Variants in CRMP1 observed in about 807,000 individuals in gnomAD.
CRMP1 encodes dihydropyrimidinase-related protein 1.
In CRMP1, 19 loss-of-function variants were observed where a neutral mutation model predicts 68.3. The observed-to-expected ratio is 0.28, with a 90% CI of 0.19 to 0.41. The LOEUF is 0.41. Among genes scored for constraint, CRMP1 ranks in the 10% least tolerant of loss-of-function variants. The pLI is 1.00. For missense variants in CRMP1, 791 were observed against 967.4 expected (o/e 0.82, Z 2.42); for synonymous variants, 439 against 399.6 (o/e 1.10, Z -1.18).
rs1272645571 is a variant in CRMP1, at chr4:5,865,619, C to CAAA, written c.470+1046_470+1048dup. Among the ~76,000 whole-genome samples, 10 of 78,794 alleles carry CAAA rather than the reference C, an allele frequency of 1.3e-4. No individual in the cohort carries two copies. Among genetic ancestry groups the CAAA allele is most frequent in the Non-Finnish European group, 1.9e-4 (7 of 36,232 alleles). 51.7% of individuals were successfully genotyped at this position (78,794 alleles called of 152,430 possible). A position where few individuals can be genotyped will look rare whatever the true frequency, so the allele number is the denominator to read the frequency against. ...CTGGTGACAGAGTGAGACTCCGTCT[C>CAAA]AAAAAAAAAAAAAAAAAAGAAGGCC... On this transcript the variant is annotated intron_variant, in intron 2 of 13. Transcript: ENST00000324989. This position sits in a 1 kb window ranked among gnomAD's most constrained non-coding sequence, Gnocchi z 4.1.
chr4:5,841,424 T>C lies in CRMP1; in HGVS notation c.1037A>G (p.Glu346Gly). ...GATGGCCCGGAACACCGCCTCGGCC[T>C]CCAGCTGAACACGGCACACACAGTG... ...GHALSRPEEL[E>G]AEAVFRAITI... Residue 346 changes from glutamate (E) to glycine (G), a missense_variant, in exon 8 of 14, where the codon GAG becomes GGG. By Grantham distance (98) the Glu-to-Gly change is moderately conservative. Around this residue, in one of 3 missense-constraint regions of CRMP1, gnomAD observed 594 missense variants for 763.6 expected, o/e 0.78. Coordinates refer to ENST00000324989, the MANE Select transcript of CRMP1 (RefSeq NM_001014809.3). The surrounding 1 kb of genome is among the most constrained non-coding windows in gnomAD (Gnocchi z 6.9). 1 of 1,614,156 alleles carries C rather than the reference T, an allele frequency of 6.2e-7. No individual in the cohort carries two copies. Among genetic ancestry groups the C allele is most frequent in the Non-Finnish European group, 8.5e-7 (1 of 1,180,022 alleles).
chr4:5,821,317 T>G lies in CRMP1; in HGVS notation c.*443A>C, dbSNP rs1718508710. 6.2e-6 allele frequency: 1 copy of G among 160,252 alleles called. No homozygotes were observed. Among genetic ancestry groups the G allele is most frequent in the Admixed American group, 6.2e-5 (1 of 16,236 alleles). 9.9% of individuals were successfully genotyped at this position (160,252 alleles called of 1,614,324 possible). On this transcript the variant is annotated 3_prime_UTR_variant, in exon 14 of 14. Transcript: ENST00000324989. The surrounding 1 kb of genome is among the most constrained non-coding windows in gnomAD (Gnocchi z 4.4). Reference sequence around the variant, plus strand: ...CTCAGGGCTTGAGGTCTCGGCATCGTGTCTCAGTCAGTCCTTGGCGATGTC... The same window carrying G: ...CTCAGGGCTTGAGGTCTCGGCATCGGGTCTCAGTCAGTCCTTGGCGATGTC...
chr4:5,892,651 GC>G lies in CRMP1; in HGVS notation c.318del (p.Pro107ArgfsTer53). On this transcript the variant is annotated frameshift_variant, in exon 1 of 14. Coordinates refer to ENST00000324989, the MANE Select transcript of CRMP1 (RefSeq NM_001014809.3). LOFTEE classifies it high-confidence loss of function. The surrounding 1 kb of genome is among the most constrained non-coding windows in gnomAD (Gnocchi z 8.6). ...GCGGGGCGGCGGATGCGCAGCGTCG[GC>G]GGCCGCTCGTCGCGCTCTCCGGGAG... ...VSSPGERDER[P>X]PTLRIRRPAP... 1 of 1,193,706 alleles carries G rather than the reference GC, an allele frequency of 8.4e-7. No individual in the cohort carries two copies. Among genetic ancestry groups the G allele is most frequent in the Non-Finnish European group, 1.0e-6 (1 of 963,472 alleles). The allele number at this position is 1,193,706 out of a possible 1,614,324, so 73.9% of individuals were successfully genotyped here.
In CRMP1 at chr4:5,828,672, C is replaced by T. The variant is rs372288946; in HGVS notation, c.1624-4G>A. The T allele has an allele frequency of 1.7e-5, 28 of 1,612,906 alleles. No homozygotes were observed. The highest frequency in any genetic ancestry group is 1.5e-4 in the Admixed American group (9 of 59,978). On this transcript the variant is annotated splice_region_variant and splice_polypyrimidine_tract_variant and intron_variant, in intron 11 of 13. Transcript: ENST00000324989. ...CGAAGATGTTGTACTCCACCGCCTG[C>T]ACCAACAGCCTCAGTGTTACTTCCC...
chr4:5,881,510 A>G lies in CRMP1; in HGVS notation c.381+11079T>C, dbSNP rs1715218269. ...ACTGTAGCTGTCTTACAGGTCTATC[A>G]TAGCTCTGATTGCACTTGGTTACCA... is the stretch of plus-strand genomic sequence containing the variant. On this transcript the variant is annotated intron_variant, in intron 1 of 13. Transcript: ENST00000324989. This position sits in a 1 kb window ranked among gnomAD's most constrained non-coding sequence, Gnocchi z 4.6. 6.6e-6 allele frequency among the ~76,000 whole-genome samples: 1 copy of G among 152,184 alleles called. No homozygotes were observed. The highest frequency in any genetic ancestry group is 2.4e-5 in the African/African-American group (1 of 41,446).
intron 6 of CRMP1, among the ~76,000 whole-genome samples, chr4:5,846,112 A>G (rs28507608): frequency 0.14 from 21,752 of 152,102 alleles, 1,645 homozygotes; most frequent in Middle Eastern, 0.18. Flanking sequence ...CCTGGCCAAC[A>G]TGGTAAAAAC....
chr4:5,823,716 G>A (rs895993076), intron 13 of CRMP1, among the ~76,000 whole-genome samples: 1 of 152,216 alleles, frequency 6.6e-6, no homozygotes, highest in African/African-American at 2.4e-5. Flanking sequence ...CTGCCATGCT[G>A]GAAGTAGCCT....
At position 5,856,128 on chromosome 4, in the gene CRMP1, G is replaced by C; in HGVS notation, c.820+15C>G. 1 of 1,612,918 alleles carries C rather than the reference G, an allele frequency of 6.2e-7. No homozygotes were observed. ...AAGGGATTCCCCAAAACCCCGTTCC[G>C]AGGCTTTAACTGACCTTTGTCCTGC... On this transcript the variant is annotated intron_variant, in intron 4 of 13. Transcript: ENST00000324989.
intron 5 of CRMP1, among the ~76,000 whole-genome samples, chr4:5,849,850 C>T (rs1384441618): frequency 6.6e-6 from 1 of 152,198 alleles, no homozygotes; most frequent in African/African-American, 2.4e-5. Context: ...GTTAGTTTTA[C>T]AGAAATTATC....
At chr4:5,836,701 C>A in intron 10 of CRMP1, 64 bp downstream of exon 10, 1 of 1,611,738 alleles carries the variant, frequency 6.2e-7, no homozygotes. Context: ...GTGCATAATG[C>A]ATCGGCTTTC....
At position 5,888,286 on chromosome 4, in the gene CRMP1, G is replaced by A; in HGVS notation, c.381+4303C>T. 3 of 1,268,106 alleles carry A rather than the reference G, an allele frequency of 2.4e-6. No individual in the cohort carries two copies. Among genetic ancestry groups the A allele is most frequent in the Non-Finnish European group, 3.0e-6 (3 of 1,000,390 alleles). 78.6% of individuals were successfully genotyped at this position (1,268,106 alleles called of 1,614,324 possible). A position where few individuals can be genotyped will look rare whatever the true frequency, so the allele number is the denominator to read the frequency against. On this transcript the variant is annotated intron_variant, in intron 1 of 13. Transcript: ENST00000324989. The surrounding 1 kb of genome is among the most constrained non-coding windows in gnomAD (Gnocchi z 6.4). The stretch of plus-strand genomic sequence containing the variant: ...CGACATGGCCCCCTCTGGCGCCCTC[G>A]GCCCGGCCGCTGACCTGCGGGGCTG...
At chr4:5,846,893 G>C (rs544397728) in intron 6 of CRMP1, among the ~76,000 whole-genome samples, 4 of 149,158 alleles carry the variant, frequency 2.7e-5, no homozygotes, top group Admixed American at 6.8e-5. Context: ...GGGATTACAG[G>C]CATGAGCCAC....
chr4:5,825,959 C>T lies in CRMP1; in HGVS notation c.1804-300G>A. The T allele has an allele frequency of 2.3e-6, 1 of 436,060 alleles. No homozygotes were observed. Among genetic ancestry groups the T allele is most frequent in the South Asian group, 2.8e-5 (1 of 35,464 alleles). The allele number at this position is 436,060 out of a possible 1,614,324, so 27.0% of individuals were successfully genotyped here. On this transcript the variant is annotated intron_variant, in intron 12 of 13. Coordinates refer to ENST00000324989, the MANE Select transcript of CRMP1 (RefSeq NM_001014809.3). The surrounding 1 kb of genome is among the most constrained non-coding windows in gnomAD (Gnocchi z 4.4). ...GCAGTCATGCACACATATATGCATG[C>T]ACATGCAGTAACAAAACAGGCCTAC...
Position 5,838,921 on chromosome 4 carries a change from A to T in CRMP1, c.1310+601T>A, listed in dbSNP as rs16837717. 0.032 allele frequency among the ~76,000 whole-genome samples: 4,891 copies of T among 152,166 alleles called. 118 individuals are homozygous for T. The highest frequency in any genetic ancestry group is 0.073 in the African/African-American group (3,012 of 41,500). On this transcript the variant is annotated intron_variant, in intron 9 of 13. Transcript: ENST00000324989. The surrounding 1 kb of genome is among the most constrained non-coding windows in gnomAD (Gnocchi z 4.9). ...TCTGAGCATGCGTCTCTGCTTCCAG[A>T]GCGGCCTGGACACTTAGCCTCGCTG...
intron 11 of CRMP1, among the ~76,000 whole-genome samples, chr4:5,832,043 A>G (rs1229518547): frequency 6.6e-6 from 1 of 152,248 alleles, no homozygotes; most frequent in African/African-American, 2.4e-5. Context: ...ATGATCCTCA[A>G]AAATATGATG....
Position 5,825,672 on chromosome 4 carries a change from A to G in CRMP1, c.1804-13T>C. The G allele has an allele frequency of 6.2e-7, 1 of 1,612,246 alleles. No individual in the cohort carries two copies. The highest frequency in any genetic ancestry group is 8.5e-7 in the Non-Finnish European group (1 of 1,179,168). Reference sequence around the variant, plus strand: ...GCAATCCAAAAACCTAAACAGAGGAAGGGAGAGTGTGATTGATCGACACTG... The same window carrying G: ...GCAATCCAAAAACCTAAACAGAGGAGGGGAGAGTGTGATTGATCGACACTG... On this transcript the variant is annotated splice_polypyrimidine_tract_variant and intron_variant, in intron 12 of 13. Transcript: ENST00000324989. The surrounding 1 kb of genome is among the most constrained non-coding windows in gnomAD (Gnocchi z 4.4).
At position 5,839,537 on chromosome 4, in the gene CRMP1, G is replaced by A. The variant is rs373607371; in HGVS notation, c.1295C>T (p.Thr432Ile). 1.2e-4 allele frequency: 186 copies of A among 1,610,036 alleles called. 1 individual carries two copies. The African/African-American group carries it at 2.3e-3, about 19-fold the overall frequency. ...SPDPTTPDYL[T>I]SLLACGDLQV... ...CAGGTCTCACCAGGCCAGTAGGGAGGTCAAGTAGTCGGGCGTGGTAGGGTC... is the reference window on the plus strand; with the variant it reads ...CAGGTCTCACCAGGCCAGTAGGGAGATCAAGTAGTCGGGCGTGGTAGGGTC... Residue 432 changes from threonine (T) to isoleucine (I), a missense_variant, in exon 9 of 14, where the codon ACC becomes ATC. By Grantham distance (89) the Thr-to-Ile change is moderately conservative. Coordinates refer to ENST00000324989, the MANE Select transcript of CRMP1 (RefSeq NM_001014809.3).
chr4:5,886,511 G>A (rs1408946184), intron 1 of CRMP1, among the ~76,000 whole-genome samples: 1 of 152,264 alleles, frequency 6.6e-6, no homozygotes, highest in South Asian at 2.1e-4. Flanking sequence ...GCAACAGGCA[G>A]TAGGCCTGGT....
rs1033810631 is a variant in CRMP1 at position 5,888,480 on chromosome 4, G to A, written c.381+4109C>T. 2 of 1,207,774 alleles carry A rather than the reference G, an allele frequency of 1.7e-6. No individual in the cohort carries two copies. The highest frequency in any genetic ancestry group is 3.1e-5 in the African/African-American group (2 of 63,526). 74.8% of individuals were successfully genotyped at this position (1,207,774 alleles called of 1,614,324 possible). A position where few individuals can be genotyped will look rare whatever the true frequency, so the allele number is the denominator to read the frequency against. On this transcript the variant is annotated intron_variant, in intron 1 of 13. Coordinates refer to ENST00000324989, the MANE Select transcript of CRMP1 (RefSeq NM_001014809.3). The surrounding 1 kb of genome is among the most constrained non-coding windows in gnomAD (Gnocchi z 6.4). ...TCCGGCTGCCAGCACCGCCCGGATC[G>A]GCGAGGAGGGCGGGAGAAGGAGGAG...
Sources: gnomAD v4.1 joint callset for allele counts (sites outside exome capture counted in the v4.1 genomes callset) on GRCh38, gnomAD v4.1.1 for gene constraint, gnomAD v4.1.1 regional missense constraint, Gnocchi (gnomAD v3.1) non-coding constraint, MANE v1.5 for transcripts, NCBI Gene and HGNC (gene_info 2026-07-23, HGNC 2026-07-21) for gene names.